Variants in GNL2 observed in about 807,000 individuals in gnomAD.
The protein encoded by GNL2 is nucleolar GTP-binding protein 2.
In GNL2, 51 loss-of-function variants were observed where a neutral mutation model predicts 92.3. The observed-to-expected ratio is 0.55, with a 90% CI of 0.44 to 0.70. GNL2 has a LOEUF of 0.70. Ranked by LOEUF, GNL2 falls within the 30% of genes least tolerant of loss-of-function variation. The pLI, the probability that GNL2 is intolerant of heterozygous loss-of-function variation, is 0.00. For synonymous variants in GNL2, 283 were observed against 300.6 expected (o/e 0.94, Z 0.61); for missense variants, 844 against 895.6 (o/e 0.94, Z 0.74).
At position 37,590,800 on chromosome 1, in the gene GNL2, T is replaced by A; in HGVS notation, c.290A>T (p.Glu97Val). The A allele has an allele frequency of 6.2e-7, 1 of 1,601,448 alleles. No homozygotes were observed. Among genetic ancestry groups the A allele is most frequent in the Admixed American group, 1.7e-5 (1 of 57,748 alleles). The change falls in exon 4 of 16, where the codon GAG becomes GTG. Residue 97 changes from glutamate (E) to valine (V), a missense_variant. Glu to Val is a moderately radical substitution (Grantham distance 121). Coordinates refer to ENST00000373062, the MANE Select transcript of GNL2 (RefSeq NM_013285.3). ...ATCCTTCATAACTGTATCCATTTCC[T>A]CTTGAAATTTTTGTAATGATGACTG... ...IKQSSLQKFQ[E>V]EMDTVMKDPY...
At chr1:37,568,697 T>C (rs1643545833) in intron 13 of GNL2, among the ~76,000 whole-genome samples, 154 bp downstream of exon 13, 2 of 152,078 alleles carry the variant, frequency 1.3e-5, no homozygotes, top group Non-Finnish European at 2.9e-5. Flanking sequence ...CTAGGCAACA[T>C]AGCGAGACGC....
At chr1:37,589,618 C>T (rs530649368) in intron 4 of GNL2, among the ~76,000 whole-genome samples, 5 of 152,268 alleles carry the variant, frequency 3.3e-5, no homozygotes, top group Admixed American at 2.6e-4. Flanking sequence ...ACTATTTAAC[C>T]CACGTATGCA....
chr1:37,585,148 T>G, intron 5 of GNL2, among the ~76,000 whole-genome samples: 1 of 131,558 alleles, frequency 7.6e-6, no homozygotes, highest in East Asian at 2.4e-4. Flanking sequence ...AACCTCCGCC[T>G]CCCGGGTTTA....
intron 12 of GNL2, among the ~76,000 whole-genome samples, chr1:37,574,055 G>A (rs1254463204): frequency 6.6e-6 from 1 of 152,048 alleles, no homozygotes; most frequent in Non-Finnish European, 1.5e-5. Flanking sequence ...ATCATGCTAG[G>A]TTAATTTTTG....
chr1:37,571,377 T>A (rs889700932), intron 12 of GNL2, among the ~76,000 whole-genome samples: 2 of 152,224 alleles, frequency 1.3e-5, no homozygotes, highest in African/African-American at 4.8e-5. Context: ...ATTGTTCCTA[T>A]AGGCAAGATC....
At chr1:37,593,093 A>C (rs1315392174) in intron 2 of GNL2, among the ~76,000 whole-genome samples, 2 of 152,200 alleles carry the variant, frequency 1.3e-5, no homozygotes, top group Non-Finnish European at 2.9e-5. Context: ...AAAAACACAT[A>C]CATACTTGAG....
At chr1:37,580,130 T>C (rs1413268194) in intron 8 of GNL2, among the ~76,000 whole-genome samples, 5 of 152,068 alleles carry the variant, frequency 3.3e-5, no homozygotes, top group Admixed American at 3.3e-4. Flanking sequence ...TTTTAAATTT[T>C]AGAATAAGAA....
chr1:37,591,437 C>G (rs1643886781), intron 3 of GNL2, among the ~76,000 whole-genome samples: 1 of 151,528 alleles, frequency 6.6e-6, no homozygotes, highest in East Asian at 1.9e-4. Context: ...ATGACGGTAG[C>G]AAGTAATGCT....
chr1:37,582,850 C>A lies in GNL2; in HGVS notation c.723G>T (p.Leu241=), dbSNP rs184577037. Residue 241 remains leucine, a synonymous_variant, in exon 7 of 16, where the codon CTG becomes CTT. Transcript: ENST00000373062. Reference sequence around the variant, plus strand: ...GGTGTTTCCAAGGTTTTTCCTTCTTCAGGTAAGTTTCAATGTGAGGGGAAC... The same window carrying A: ...GGTGTTTCCAAGGTTTTTCCTTCTTAAGGTAAGTTTCAATGTGAGGGGAAC... ...GTRSPHIETY[L]KKEKPWKHLI... The A allele has an allele frequency of 6.2e-7, 1 of 1,613,500 alleles. No individual in the cohort carries two copies. The highest frequency in any genetic ancestry group is 1.7e-5 in the Admixed American group (1 of 60,016).
rs375264996 is a variant in GNL2 at position 37,576,583 on chromosome 1, A to G, written c.910-27T>C. On this transcript the variant is annotated intron_variant, in intron 8 of 15. Coordinates refer to ENST00000373062, the MANE Select transcript of GNL2 (RefSeq NM_013285.3). ...TGTTCAAAGAGAGAATACACAGCAC[A>G]TACATGCAGTCATATATATCCCTTT... 1.6e-5 allele frequency: 25 copies of G among 1,609,364 alleles called. No homozygotes were observed. The African/African-American group carries it at 2.3e-4, about 15-fold the overall frequency.
At chr1:37,576,676 C>T in intron 8 of GNL2, 120 bp from the exon 9 acceptor site, 1 of 931,830 alleles carries the variant, frequency 1.1e-6, no homozygotes, top group Non-Finnish European at 1.6e-6. Context: ...ACAACTTGAT[C>T]TGAAGCCTAG....
At chr1:37,574,173 G>A (rs1643638610) in intron 12 of GNL2, among the ~76,000 whole-genome samples, 170 bp downstream of exon 12, 1 of 152,146 alleles carries the variant, frequency 6.6e-6, no homozygotes, top group African/African-American at 2.4e-5. Context: ...TTACAGGCGT[G>A]AGCCACCCAT....
At position 37,574,703 on chromosome 1, in the gene GNL2, G is replaced by T; in HGVS notation, c.1264C>A (p.Leu422Ile). The T allele has an allele frequency of 6.2e-7, 1 of 1,614,056 alleles. No individual in the cohort carries two copies. Among genetic ancestry groups the T allele is most frequent in the Non-Finnish European group, 8.5e-7 (1 of 1,179,972 alleles). ...CCAGTCCGGAAAGCGAGCTTCTCAA[G>T]AAAGTCCTCAGCATTCTCCCAAGAA... is the stretch of plus-strand genomic sequence containing the variant. Reference protein sequence around the residue: ...IDSWENAEDFLEKLAFRTGKL... With the variant: ...IDSWENAEDFIEKLAFRTGKL... The change falls in exon 11 of 16, where the codon CTT becomes ATT. Residue 422 changes from leucine (L) to isoleucine (I), a missense_variant. By Grantham distance (5) the Leu-to-Ile change is conservative. Coordinates refer to ENST00000373062, the MANE Select transcript of GNL2 (RefSeq NM_013285.3).
intron 8 of GNL2, among the ~76,000 whole-genome samples, chr1:37,579,209 G>C (rs1188761689): frequency 1.3e-5 from 2 of 152,116 alleles, no homozygotes; most frequent in Non-Finnish European, 2.9e-5. Flanking sequence ...AAAATTAAAA[G>C]CAATTGGCAA....
chr1:37,576,813 G>C (rs1030987561), intron 8 of GNL2, among the ~76,000 whole-genome samples: 1 of 152,138 alleles, frequency 6.6e-6, no homozygotes, highest in Admixed American at 6.6e-5. Flanking sequence ...AAGTATGTAG[G>C]TCAAGAAATA....
At chr1:37,580,272 C>A (rs1643746099) in intron 8 of GNL2, among the ~76,000 whole-genome samples, 1 of 152,096 alleles carries the variant, frequency 6.6e-6, no homozygotes, top group Non-Finnish European at 1.5e-5. Context: ...ACACTCCAGC[C>A]TGGGTGACAA....
chr1:37,577,671 T>C (rs1014640105), intron 8 of GNL2, among the ~76,000 whole-genome samples: 2 of 152,090 alleles, frequency 1.3e-5, no homozygotes, highest in Non-Finnish European at 2.9e-5. Flanking sequence ...ATAATGACAA[T>C]GAATCACAGA....
intron 4 of GNL2, 126 bp from the exon 5 acceptor site, chr1:37,587,621 G>A: frequency 1.8e-6 from 1 of 545,148 alleles, no homozygotes; most frequent in Non-Finnish European, 3.2e-6. Flanking sequence ...ACCCAAATCT[G>A]TAAGACATGG....
In GNL2 at chr1:37,593,844, G is replaced by A. The variant is rs201910888; in HGVS notation, c.67C>T (p.Arg23Ter). The change falls in exon 2 of 16, where the codon CGA becomes TGA. Residue 23 changes from arginine (R) to a stop codon, truncating the protein, a stop_gained and splice_region_variant. Coordinates refer to ENST00000373062, the MANE Select transcript of GNL2 (RefSeq NM_013285.3). LOFTEE classifies it high-confidence loss of function. Reference protein sequence around the residue: ...NPSKASTNPDRVQGAGGQNMR... With the variant: ...NPSKASTNPD ...TTTTGGCCTCCTGCTCCCTGCACTC[G>A]ATCTACAAAAGGCAGAAGTACACAG... 6 of 1,611,934 alleles carry A rather than the reference G, an allele frequency of 3.7e-6. No homozygotes were observed. Among genetic ancestry groups the A allele is most frequent in the Non-Finnish European group, 5.1e-6 (6 of 1,178,334 alleles).
Sources: gnomAD v4.1 joint callset for allele counts (sites outside exome capture counted in the v4.1 genomes callset) on GRCh38, gnomAD v4.1.1 for gene constraint, MANE v1.5 for transcripts, NCBI Gene and HGNC (gene_info 2026-07-23, HGNC 2026-07-21) for gene names.